Variants in UBE4B observed in about 807,000 individuals in gnomAD.
UBE4B encodes the protein ubiquitination factor E4B, also known as ubiquitin conjugation factor E4 B.
UBE4B carries 27 observed loss-of-function variants against 148.1 expected under a neutral mutation model. The ratio of observed to expected loss-of-function variants is 0.18; its 90% CI spans 0.13 to 0.25. The LOEUF is 0.25. UBE4B is among the 10% of genes least tolerant of loss of function. The probability of loss-of-function intolerance (pLI) is 1.00; values close to 1 mark genes in which losing one functional copy is unlikely to be tolerated. For synonymous variants in UBE4B, 596 were observed against 619.3 expected (o/e 0.96, Z 0.56); for missense variants, 1,170 against 1,662.4 (o/e 0.70, Z 5.15).
intron 25 of UBE4B, among the ~76,000 whole-genome samples, chr1:10,177,717 C>T (rs1172092843): frequency 1.3e-5 from 2 of 151,642 alleles, no homozygotes; most frequent in East Asian, 1.9e-4. Flanking sequence ...ACTTGTTTTG[C>T]GATGGTGATA....
intron 15 of UBE4B, among the ~76,000 whole-genome samples, chr1:10,134,027 G>A (rs1427583348): frequency 1.3e-5 from 2 of 150,728 alleles, no homozygotes; most frequent in Non-Finnish European, 2.9e-5. Context: ...TACAGCCTGG[G>A]CAACAGAGTA....
Position 10,033,600 on chromosome 1 carries a change from C to T in UBE4B, c.-71C>T. ...CAGCCTGATAGACACCTTCCACTCT[C>T]CTTCCTCCCGCCGTGGTCTCGAGAA... On this transcript the variant is annotated 5_prime_UTR_variant, in exon 1 of 28. Coordinates refer to ENST00000343090, the MANE Select transcript of UBE4B (RefSeq NM_001105562.3). 6.9e-7 allele frequency: 1 copy of T among 1,446,720 alleles called. No homozygotes were observed. The highest frequency in any genetic ancestry group is 9.2e-7 in the Non-Finnish European group (1 of 1,091,814). The allele number at this position is 1,446,720 out of a possible 1,614,324, so 89.6% of individuals were successfully genotyped here. A position where few individuals can be genotyped will look rare whatever the true frequency, so the allele number is the denominator to read the frequency against.
At chr1:10,136,934 A>T in intron 16 of UBE4B, 133 bp from the exon 17 acceptor site, 1 of 1,037,396 alleles carries the variant, frequency 9.6e-7, no homozygotes, top group Non-Finnish European at 1.4e-6. Context: ...TAAATAAATA[A>T]ATAAATAAAC....
In UBE4B at chr1:10,119,469, A is replaced by G. The variant is rs780813858; in HGVS notation, c.1339-44A>G. ...CTTATTTTTAACAGCATGGAATTGT[A>G]TTGTTTGTTTCTTGTCGTCCTCACT... On this transcript the variant is annotated intron_variant, in intron 8 of 27. Transcript: ENST00000343090. 3.2e-6 allele frequency: 5 copies of G among 1,582,422 alleles called. No homozygotes were observed. The South Asian group carries it at 4.4e-5, about 14-fold the overall frequency.
chr1:10,040,038 G>C (rs1643694936), intron 1 of UBE4B, among the ~76,000 whole-genome samples: 1 of 151,990 alleles, frequency 6.6e-6, no homozygotes, highest in Non-Finnish European at 1.5e-5. Context: ...ATGACACCTT[G>C]GTTTCTAGCT....
Position 10,168,339 on chromosome 1 carries a change from T to C in UBE4B, c.3333+69T>C, listed in dbSNP as rs1390386879. 2.6e-6 allele frequency: 4 copies of C among 1,546,486 alleles called. No homozygotes were observed. The highest frequency in any genetic ancestry group is 4.2e-5 in the Admixed American group (2 of 48,040). ...ATTCAGACTCTCTCACTTATAACTT[T>C]AGCAGTTGTTGAAGTTCTGGAAATT... is the stretch of plus-strand genomic sequence containing the variant. On this transcript the variant is annotated intron_variant, in intron 24 of 27. Coordinates refer to ENST00000343090, the MANE Select transcript of UBE4B (RefSeq NM_001105562.3). This position sits in a 1 kb window ranked among gnomAD's most constrained non-coding sequence, Gnocchi z 4.9.
intron 24 of UBE4B, 56 bp from the exon 25 acceptor site, chr1:10,171,082 G>T: frequency 6.5e-7 from 1 of 1,536,854 alleles, no homozygotes; most frequent in Non-Finnish European, 8.8e-7. Flanking sequence ...GGAGTTTTTG[G>T]TCCTTTTCAC....
chr1:10,058,392 T>C (rs1388691249), intron 1 of UBE4B, among the ~76,000 whole-genome samples: 2 of 152,182 alleles, frequency 1.3e-5, no homozygotes, highest in Non-Finnish European at 2.9e-5. Context: ...TCTCTATTGC[T>C]TGGAAGCCTT....
rs148514322 is a variant in UBE4B at position 10,147,066 on chromosome 1, G to A, written c.2567G>A (p.Arg856His). The A allele has an allele frequency of 1.6e-5, 26 of 1,614,056 alleles. No individual in the cohort carries two copies. The highest frequency in any genetic ancestry group is 1.6e-4 in the Middle Eastern group (1 of 6,062). ...FYGLLIQLLL[R>H]ILDPAYPDIT... is the part of the protein sequence containing the mutation. ...GGCCTTCTCATTCAGCTGCTGCTCCGCATCCTGGACCCCGCATATCCCGAG... is the reference window on the plus strand; with the variant it reads ...GGCCTTCTCATTCAGCTGCTGCTCCACATCCTGGACCCCGCATATCCCGAG... The change falls in exon 19 of 28, where the codon CGC becomes CAC. Residue 856 changes from arginine to histidine, a missense_variant. Transcript: ENST00000343090.
At chr1:10,163,057 TTTA>T (rs1646191245) in intron 23 of UBE4B, among the ~76,000 whole-genome samples, 2 of 152,260 alleles carry the variant, frequency 1.3e-5, no homozygotes, top group East Asian at 1.9e-4. Flanking sequence ...TTATTTGTTT[TTTA>T]TTATTATTAA....
intron 2 of UBE4B, among the ~76,000 whole-genome samples, chr1:10,092,465 C>T (rs958678150): frequency 4.6e-5 from 7 of 151,780 alleles, no homozygotes; most frequent in Middle Eastern, 3.2e-3. Flanking sequence ...CCTCATGATC[C>T]GCCCGCCTCA....
intron 12 of UBE4B, among the ~76,000 whole-genome samples, chr1:10,130,135 G>A (rs780940441): frequency 9.9e-5 from 15 of 152,058 alleles, no homozygotes; most frequent in East Asian, 1.9e-4. Flanking sequence ...GCGCAGTGGC[G>A]CAATCTCAGC....
At chr1:10,152,182 C>T (rs1428811734) in intron 21 of UBE4B, among the ~76,000 whole-genome samples, 1 of 151,434 alleles carries the variant, frequency 6.6e-6, no homozygotes, top group African/African-American at 2.4e-5. Context: ...TTGCTTGAAC[C>T]CGGGAGGCAG....
chr1:10,041,779 C>T (rs1253437661), intron 1 of UBE4B, among the ~76,000 whole-genome samples: 1 of 152,138 alleles, frequency 6.6e-6, no homozygotes, highest in Admixed American at 6.5e-5. Flanking sequence ...TCACTGCAAC[C>T]TCCGCCTCCC....
At chr1:10,132,306 T>G in intron 14 of UBE4B, 63 bp from the exon 15 acceptor site, 3 of 1,340,642 alleles carry the variant, frequency 2.2e-6, no homozygotes, top group Non-Finnish European at 3.1e-6. Flanking sequence ...GTTCGTGAAG[T>G]CAAAAAGGAA....
In UBE4B at chr1:10,168,198, C is replaced by T. The variant is rs758182185; in HGVS notation, c.3261C>T (p.Leu1087=). Residue 1087 remains leucine (L), a synonymous_variant, in exon 24 of 28, where the codon CTC becomes CTT. Coordinates refer to ENST00000343090, the MANE Select transcript of UBE4B (RefSeq NM_001105562.3). The surrounding 1 kb of genome is among the most constrained non-coding windows in gnomAD (Gnocchi z 4.9). ...ATGAGCGTGTGTCCCGCTCTTACCTCGCCCTGGCCACCGAAACCGTGGACA... is the reference window on the plus strand; with the variant it reads ...ATGAGCGTGTGTCCCGCTCTTACCTTGCCCTGGCCACCGAAACCGTGGACA... ...AQDERVSRSY[L]ALATETVDMF... 4.3e-6 allele frequency: 7 copies of T among 1,614,082 alleles called. No individual in the cohort carries two copies. The highest frequency in any genetic ancestry group is 3.3e-5 in the Admixed American group (2 of 59,986).
rs1434956547 is a variant in UBE4B at position 10,169,265 on chromosome 1, C to T, written c.3333+995C>T. Among the ~76,000 whole-genome samples, 4 of 152,280 alleles carry T rather than the reference C, an allele frequency of 2.6e-5. 1 individual carries two copies. In the Middle Eastern group the frequency reaches 0.014, roughly 518 times the overall value. On this transcript the variant is annotated intron_variant, in intron 24 of 27. Transcript: ENST00000343090. ...GACCTAAGATTCGGTAGCCATTTGC[C>T]TATGTGGAGACATGTTTACTTTACA...
intron 22 of UBE4B, among the ~76,000 whole-genome samples, chr1:10,158,879 G>A (rs912272763): frequency 1.3e-5 from 2 of 151,850 alleles, no homozygotes; most frequent in African/African-American, 4.8e-5. Context: ...GTGTGGTGGC[G>A]CACGTCTGTT....
intron 1 of UBE4B, among the ~76,000 whole-genome samples, chr1:10,051,566 C>A (rs890579928): frequency 6.6e-6 from 1 of 152,184 alleles, no homozygotes; most frequent in African/African-American, 2.4e-5. Flanking sequence ...AAAATCTCTT[C>A]TCACCCAGGG....
Sources: allele counts gnomAD v4.1 joint callset (sites outside exome capture counted in the v4.1 genomes callset), GRCh38; gene constraint gnomAD v4.1.1; non-coding constraint Gnocchi (gnomAD v3.1); transcripts MANE v1.5; gene names NCBI Gene and HGNC (gene_info 2026-07-23, HGNC 2026-07-21).